Variants in MICOS10 observed in about 807,000 individuals in gnomAD.
The protein encoded by MICOS10 is mitochondrial contact site and cristae organizing system subunit 10, also known as MICOS complex subunit MIC10.
Under a neutral mutation model 13.4 loss-of-function variants are expected in MICOS10, and 5 were observed. The observed-to-expected ratio is 0.37, with a 90% CI of 0.20 to 0.78. MICOS10 has a LOEUF of 0.78. MICOS10 is among the 30% of genes least tolerant of loss of function. The pLI is 0.47. For synonymous variants in MICOS10, 35 were observed against 33.6 expected, an observed-to-expected ratio of 1.04 and a Z score of -0.15; for missense variants, 101 against 94.6, an observed-to-expected ratio of 1.07 and a Z score of -0.28.
At chr1:19,601,463 A>C (rs553947615) in intron 1 of MICOS10, among the ~76,000 whole-genome samples, 1 of 152,046 alleles carries the variant, frequency 6.6e-6, no homozygotes, top group African/African-American at 2.4e-5. Flanking sequence ...CTATGGTACC[A>C]GCTACTTGGG....
intron 1 of MICOS10, 100 bp downstream of exon 1, chr1:19,597,209 G>A: frequency 7.8e-7 from 1 of 1,279,034 alleles, no homozygotes; most frequent in Non-Finnish European, 1.1e-6. Flanking sequence ...CGGGAGGTCA[G>A]GCCTCTCGGC....
intron 1 of MICOS10, among the ~76,000 whole-genome samples, chr1:19,610,952 CT>C (rs563556500): frequency 6.2e-4 from 91 of 146,880 alleles, no homozygotes; most frequent in Admixed American, 6.1e-4. Flanking sequence ...ATTTATTTCT[CT>C]TTTTTTTTTT....
rs952573045 is a variant in MICOS10, at chr1:19,617,735, C to T, written c.65-4365C>T. Reference sequence around the variant, plus strand: ...GATTGTAATAGCATTGACAGAAACACGATTGAACAGGAAGCACGGCCATTA... The same window carrying T: ...GATTGTAATAGCATTGACAGAAACATGATTGAACAGGAAGCACGGCCATTA... On this transcript the variant is annotated intron_variant, in intron 1 of 3. Coordinates refer to ENST00000322753, the MANE Select transcript of MICOS10 (RefSeq NM_001032363.4). Among the ~76,000 whole-genome samples, 7 of 152,006 alleles carry T rather than the reference C, an allele frequency of 4.6e-5. No homozygotes were observed. In the East Asian group the frequency reaches 5.8e-4, roughly 13 times the overall value.
At chr1:19,608,543 G>C (rs1221446239) in intron 1 of MICOS10, 5 of 971,828 alleles carry the variant, frequency 5.1e-6, no homozygotes, top group African/African-American at 4.8e-5. Context: ...TCTCAGGAAG[G>C]GGGTCACCGT....
chr1:19,609,144 G>A (rs1158810758), intron 1 of MICOS10, among the ~76,000 whole-genome samples: 4 of 151,522 alleles, frequency 2.6e-5, no homozygotes, highest in Non-Finnish European at 4.4e-5. Context: ...CTACAGGTGC[G>A]TGCTACCGCA....
chr1:19,620,425 T>TTC (rs1233407168), intron 1 of MICOS10, among the ~76,000 whole-genome samples: 1 of 152,228 alleles, frequency 6.6e-6, no homozygotes, highest in Non-Finnish European at 1.5e-5. Context: ...ATAGCTAACT[T>TTC]TAAGTAAAAC....
intron 1 of MICOS10, among the ~76,000 whole-genome samples, chr1:19,611,097 G>A (rs1459453848): frequency 1.3e-5 from 2 of 151,754 alleles, no homozygotes; most frequent in Non-Finnish European, 2.9e-5. Context: ...GATTACAGGC[G>A]CCCACCACCA....
At chr1:19,601,868 T>C (rs2094816549) in intron 1 of MICOS10, among the ~76,000 whole-genome samples, 1 of 152,224 alleles carries the variant, frequency 6.6e-6, no homozygotes, top group Admixed American at 6.5e-5. Flanking sequence ...TTGCTTTCTT[T>C]TTCTTTATTC....
intron 1 of MICOS10, chr1:19,600,760 C>A: frequency 4.1e-6 from 2 of 488,652 alleles, no homozygotes; most frequent in Non-Finnish European, 7.2e-6. Context: ...CACCACCATA[C>A]CCATCTAACT....
In MICOS10 at chr1:19,597,009, C is replaced by T. The variant is rs981369453; in HGVS notation, c.-37C>T. 9 of 1,567,088 alleles carry T rather than the reference C, an allele frequency of 5.7e-6. No individual in the cohort carries two copies. The highest frequency in any genetic ancestry group is 2.0e-5 in the Admixed American group (1 of 50,844). The stretch of plus-strand genomic sequence containing the variant: ...ACTTTCAGGGGTCGGAGCGCGGGGG[C>T]CGGCCGAGAGGAAAGCTGGAGGCGC... On this transcript the variant is annotated 5_prime_UTR_variant, in exon 1 of 4. Transcript: ENST00000322753.
At chr1:19,607,934 G>C (rs1199687849) in intron 1 of MICOS10, among the ~76,000 whole-genome samples, 1 of 152,152 alleles carries the variant, frequency 6.6e-6, no homozygotes, top group Admixed American at 6.5e-5. Context: ...ATTCGTTTTT[G>C]ACAAGGCAAT....
intron 1 of MICOS10, among the ~76,000 whole-genome samples, chr1:19,616,029 C>T (rs1283139084): frequency 6.6e-6 from 1 of 152,056 alleles, no homozygotes; most frequent in Non-Finnish European, 1.5e-5. Context: ...AGTGATTCTC[C>T]TGCCTCAGCC....
chr1:19,623,156 C>T (rs532636809), intron 2 of MICOS10, among the ~76,000 whole-genome samples: 64 of 152,152 alleles, frequency 4.2e-4, no homozygotes, highest in Non-Finnish European at 7.5e-4. Flanking sequence ...CTCCTGACCT[C>T]GTGATCCGCC....
At chr1:19,608,469 T>C in intron 1 of MICOS10, 1 of 1,261,142 alleles carries the variant, frequency 7.9e-7, no homozygotes, top group Non-Finnish European at 1.2e-6. Context: ...CTCAGAGCCC[T>C]TGCCTGCTCG....
chr1:19,609,101 A>T (rs995845902), intron 1 of MICOS10, among the ~76,000 whole-genome samples: 1 of 138,386 alleles, frequency 7.2e-6, no homozygotes, highest in African/African-American at 2.7e-5. Flanking sequence ...TGGACTCATG[A>T]TCCTCCCACA....
chr1:19,616,958 C>G (rs1462118306), intron 1 of MICOS10, among the ~76,000 whole-genome samples: 4 of 152,138 alleles, frequency 2.6e-5, no homozygotes, highest in Non-Finnish European at 4.4e-5. Flanking sequence ...CTCAGCTTCC[C>G]TTTAATAATT....
At chr1:19,601,420 A>G (rs2100240433) in intron 1 of MICOS10, 1 of 173,330 alleles carries the variant, frequency 5.8e-6, no homozygotes, top group East Asian at 1.5e-4. Context: ...GCAGCAAAAA[A>G]TATATATATT....
intron 1 of MICOS10, among the ~76,000 whole-genome samples, chr1:19,603,674 G>A (rs2094824473): frequency 6.6e-6 from 1 of 152,194 alleles, no homozygotes; most frequent in Admixed American, 6.5e-5. Context: ...CCATGTATTG[G>A]TTTAGAATTC....
intron 1 of MICOS10, among the ~76,000 whole-genome samples, chr1:19,607,389 A>C (rs1160785074): frequency 5.9e-5 from 9 of 152,204 alleles, no homozygotes. Flanking sequence ...TTATTAGTAA[A>C]TATGCTGAAT....
Sources: gnomAD v4.1 joint callset for allele counts (sites outside exome capture counted in the v4.1 genomes callset) on GRCh38, gnomAD v4.1.1 for gene constraint, MANE v1.5 for transcripts, NCBI Gene and HGNC (gene_info 2026-07-23, HGNC 2026-07-21) for gene names.